KCNA2: variants seen among roughly 807,000 people sequenced by gnomAD.
The protein encoded by KCNA2 is potassium voltage-gated channel subfamily A member 2.
Under a neutral mutation model 33.4 loss-of-function variants are expected in KCNA2, and 11 were observed. That is an observed-to-expected ratio of 0.33 (90% CI 0.21 to 0.55). The LOEUF (loss-of-function observed/expected upper bound fraction) is 0.55, where lower values mean the gene tolerates loss of function less well. Ranked by LOEUF, KCNA2 falls within the 20% of genes least tolerant of loss-of-function variation. The pLI is 0.93. For missense variants in KCNA2, 291 were observed against 621.6 expected, an observed-to-expected ratio of 0.47 and a Z score of 5.66; for synonymous variants, 222 against 231.3, an observed-to-expected ratio of 0.96 and a Z score of 0.37.
rs1054573864 is a variant in KCNA2, at chr1:110,594,075, C to T, written c.*9208G>A. On this transcript the variant is annotated 3_prime_UTR_variant, in exon 3 of 3. Coordinates refer to ENST00000316361, the MANE Select transcript of KCNA2 (RefSeq NM_004974.4). ...CAGTTCCCTTTCGGCATCATCCTTA[C>T]GAAGCTTTACCATCAGCCTTGGAGT... 61 of 1,444,326 alleles carry T rather than the reference C, an allele frequency of 4.2e-5. No homozygotes were observed. Among genetic ancestry groups the T allele is most frequent in the Admixed American group, 5.4e-5 (2 of 37,014 alleles). The allele number at this position is 1,444,326 out of a possible 1,614,324, so 89.5% of individuals were successfully genotyped here.
At chr1:110,618,885 C>CCCCAGATGCT (rs1488405764) in intron 1 of KCNA2, among the ~76,000 whole-genome samples, 1 of 152,200 alleles carries the variant, frequency 6.6e-6, no homozygotes, top group African/African-American at 2.4e-5. Context: ...GCAAACCTGG[C>CCCCAGATGCT]CCCAGATGCT....
In KCNA2 at chr1:110,603,718, C is replaced by A. The variant is rs1308544471; in HGVS notation, c.1065G>T (p.Glu355Asp). The A allele has an allele frequency of 3.7e-6, 6 of 1,614,026 alleles. No individual in the cohort carries two copies. The South Asian group carries it at 6.6e-5, about 18-fold the overall frequency. Residue 355 changes from glutamate to aspartate, a missense_variant, in exon 3 of 3, where the codon GAG becomes GAT. This residue lies in a region of KCNA2 where 11 missense variants were observed against 16.2 expected (regional missense o/e 0.68). Coordinates refer to ENST00000316361, the MANE Select transcript of KCNA2 (RefSeq NM_004974.4). This position sits in a 1 kb window ranked among gnomAD's most constrained non-coding sequence, Gnocchi z 5.7. ...AVYFAEADER[E>D]SQFPSIPDAF... ...CATCTGGGATGCTGGGGAACTGGGA[C>A]TCTCGCTCATCGGCCTCTGCAAAAT...
At position 110,601,027 on chromosome 1, in the gene KCNA2, A is replaced by C. The variant is rs558816723; in HGVS notation, c.*2256T>G. On this transcript the variant is annotated 3_prime_UTR_variant, in exon 3 of 3. Transcript: ENST00000316361. Reference sequence around the variant, plus strand: ...AAAGGCAAAGACGCCCAGTCTGGTGAGTTAAAAGCCCCCTACCTGAAGCCA... The same window carrying C: ...AAAGGCAAAGACGCCCAGTCTGGTGCGTTAAAAGCCCCCTACCTGAAGCCA... 4.1e-6 allele frequency: 4 copies of C among 985,392 alleles called. No individual in the cohort carries two copies. The highest frequency in any genetic ancestry group is 6.1e-5 in the Admixed American group (1 of 16,268). 61.0% of individuals were successfully genotyped at this position (985,392 alleles called of 1,614,324 possible).
rs1023428121 is a variant in KCNA2, at chr1:110,595,678, G to A, written c.*7605C>T. The stretch of plus-strand genomic sequence containing the variant: ...AGCTGTTTCTTGAGTGATGTGTACA[G>A]CTTACCCCCAAAGAGGCAACTGAAT... On this transcript the variant is annotated 3_prime_UTR_variant, in exon 3 of 3. Coordinates refer to ENST00000316361, the MANE Select transcript of KCNA2 (RefSeq NM_004974.4). The A allele has an allele frequency of 1.0e-6, 1 of 985,416 alleles. No homozygotes were observed. Among genetic ancestry groups the A allele is most frequent in the Non-Finnish European group, 1.2e-6 (1 of 829,936 alleles). The allele number at this position is 985,416 out of a possible 1,614,324, so 61.0% of individuals were successfully genotyped here.
chr1:110,614,005 G>C (rs1362166351), intron 1 of KCNA2, among the ~76,000 whole-genome samples: 1 of 152,218 alleles, frequency 6.6e-6, no homozygotes, highest in African/African-American at 2.4e-5. Flanking sequence ...ACTTTGGACA[G>C]AGCTAACTTT....
Position 110,601,770 on chromosome 1 carries a change from G to C in KCNA2, c.*1513C>G. The C allele has an allele frequency of 8.4e-7, 1 of 1,186,054 alleles. No individual in the cohort carries two copies. The highest frequency in any genetic ancestry group is 1.0e-6 in the Non-Finnish European group (1 of 965,944). 73.5% of individuals were successfully genotyped at this position (1,186,054 alleles called of 1,614,324 possible). On this transcript the variant is annotated 3_prime_UTR_variant, in exon 3 of 3. Coordinates refer to ENST00000316361, the MANE Select transcript of KCNA2 (RefSeq NM_004974.4). ...GATTTGCTCCTGAACCTGAACTCCA[G>C]AAAATGAATATATATATATATATAT... is the stretch of plus-strand genomic sequence containing the variant.
rs918631450 is a variant in KCNA2, at chr1:110,601,483, T to C, written c.*1800A>G. The C allele has an allele frequency of 5.1e-6, 5 of 985,506 alleles. 1 individual carries two copies. The African/African-American group carries it at 5.2e-5, about 10-fold the overall frequency. 61.0% of individuals were successfully genotyped at this position (985,506 alleles called of 1,614,324 possible). A position where few individuals can be genotyped will look rare whatever the true frequency, so the allele number is the denominator to read the frequency against. On this transcript the variant is annotated 3_prime_UTR_variant, in exon 3 of 3. Transcript: ENST00000316361. ...TGGAGATGATGAACAGGATGAACTG[T>C]AGAGAGGAGGCCCGGGGTGGGTCTG...
intron 1 of KCNA2, among the ~76,000 whole-genome samples, chr1:110,630,287 C>T (rs1650518285): frequency 6.6e-6 from 1 of 152,124 alleles, no homozygotes; most frequent in Non-Finnish European, 1.5e-5. Context: ...TCCCAAAGTG[C>T]TGGGATTACA....
chr1:110,594,279 C>CT lies in KCNA2; in HGVS notation c.*9003dup, dbSNP rs1172516208. 1 of 896,598 alleles carries CT rather than the reference C, an allele frequency of 1.1e-6. No homozygotes were observed. The highest frequency in any genetic ancestry group is 2.0e-5 in the African/African-American group (1 of 51,074). 55.5% of individuals were successfully genotyped at this position (896,598 alleles called of 1,614,324 possible). On this transcript the variant is annotated 3_prime_UTR_variant, in exon 3 of 3. Coordinates refer to ENST00000316361, the MANE Select transcript of KCNA2 (RefSeq NM_004974.4). Reference sequence around the variant, plus strand: ...CCTAAGTGAGTGGCGGCCATTTCCTCTCTCTCTCTCTCTCTATATATATAT... The same window carrying CT: ...CCTAAGTGAGTGGCGGCCATTTCCTCTTCTCTCTCTCTCTCTATATATATAT...
Position 110,601,920 on chromosome 1 carries a change from A to C in KCNA2, c.*1363T>G, listed in dbSNP as rs943668394. The stretch of plus-strand genomic sequence containing the variant: ...AATTGCCCTTTGTCAAAAATATTGC[A>C]TAAGCTTGTACAATGTTCAAATGCA... On this transcript the variant is annotated 3_prime_UTR_variant, in exon 3 of 3. Transcript: ENST00000316361. 6.8e-7 allele frequency: 1 copy of C among 1,469,976 alleles called. No individual in the cohort carries two copies. The highest frequency in any genetic ancestry group is 2.3e-5 in the Admixed American group (1 of 42,774). 91.1% of individuals were successfully genotyped at this position (1,469,976 alleles called of 1,614,324 possible).
intron 1 of KCNA2, among the ~76,000 whole-genome samples, chr1:110,625,270 G>A (rs1205107520): frequency 6.6e-6 from 1 of 152,180 alleles, no homozygotes; most frequent in Non-Finnish European, 1.5e-5. Flanking sequence ...GAAGAGTGTG[G>A]TGGTCCCAGC....
In KCNA2 at chr1:110,598,590, C is replaced by T. The variant is rs923449718; in HGVS notation, c.*4693G>A. 3.0e-6 allele frequency: 3 copies of T among 985,474 alleles called. No homozygotes were observed. The highest frequency in any genetic ancestry group is 3.6e-6 in the Non-Finnish European group (3 of 830,006). The allele number at this position is 985,474 out of a possible 1,614,324, so 61.0% of individuals were successfully genotyped here. On this transcript the variant is annotated 3_prime_UTR_variant, in exon 3 of 3. Transcript: ENST00000316361. ...TCCCAACACGGAGCAGCAACATGAA[C>T]ACCCAGGCTGGGGTCTCAGGCCATC... is the stretch of plus-strand genomic sequence containing the variant.
chr1:110,613,892 G>C (rs375046622), intron 1 of KCNA2, among the ~76,000 whole-genome samples: 1 of 152,144 alleles, frequency 6.6e-6, no homozygotes, highest in Admixed American at 6.5e-5. Flanking sequence ...GCTGGACCTC[G>C]TCCTGTCCAC....
At position 110,602,381 on chromosome 1, in the gene KCNA2, T is replaced by C; in HGVS notation, c.*902A>G. Reference sequence around the variant, plus strand: ...TAGGTTATCTCCTGTGTTTTAAATATTGAGATTCATGCAACAAACACCCAT... The same window carrying C: ...TAGGTTATCTCCTGTGTTTTAAATACTGAGATTCATGCAACAAACACCCAT... On this transcript the variant is annotated 3_prime_UTR_variant, in exon 3 of 3. Coordinates refer to ENST00000316361, the MANE Select transcript of KCNA2 (RefSeq NM_004974.4). 2 of 1,400,944 alleles carry C rather than the reference T, an allele frequency of 1.4e-6. No individual in the cohort carries two copies. Among genetic ancestry groups the C allele is most frequent in the Non-Finnish European group, 1.8e-6 (2 of 1,082,114 alleles). The allele number at this position is 1,400,944 out of a possible 1,614,324, so 86.8% of individuals were successfully genotyped here.
Position 110,603,199 on chromosome 1 carries a change from G to A in KCNA2, c.*84C>T. ...TTCCATGCAGAACCAGATACACACT[G>A]TAGAACACACTGACTACAATGCAGG... On this transcript the variant is annotated 3_prime_UTR_variant, in exon 3 of 3. Transcript: ENST00000316361. The surrounding 1 kb of genome is among the most constrained non-coding windows in gnomAD (Gnocchi z 5.7). 1 of 1,527,298 alleles carries A rather than the reference G, an allele frequency of 6.5e-7. No homozygotes were observed. Among genetic ancestry groups the A allele is most frequent in the Non-Finnish European group, 8.8e-7 (1 of 1,141,130 alleles). 94.6% of individuals were successfully genotyped at this position (1,527,298 alleles called of 1,614,324 possible). A position where few individuals can be genotyped will look rare whatever the true frequency, so the allele number is the denominator to read the frequency against.
At position 110,604,471 on chromosome 1, in the gene KCNA2, C is replaced by T; in HGVS notation, c.312G>A (p.Val104=). The T allele has an allele frequency of 6.2e-7, 1 of 1,614,190 alleles. No individual in the cohort carries two copies. Among genetic ancestry groups the T allele is most frequent in the Non-Finnish European group, 8.5e-7 (1 of 1,180,030 alleles). ...TTTCTTCAGAGAATATATCTAAGGG[C>T]ACATTCACAGGTCGCCTCAATCGGC... is the stretch of plus-strand genomic sequence containing the variant. ...SGGRLRRPVN[V]PLDIFSEEIR... Residue 104 remains valine, a synonymous_variant, in exon 3 of 3, where the codon GTG becomes GTA. Transcript: ENST00000316361. The surrounding 1 kb of genome is among the most constrained non-coding windows in gnomAD (Gnocchi z 7.6).
chr1:110,609,061 A>T (rs1032430), upstream of KCNA2, among the ~76,000 whole-genome samples: 2 of 151,612 alleles, frequency 1.3e-5, no homozygotes, highest in African/African-American at 4.9e-5. Flanking sequence ...AGATCTCACC[A>T]TTCCCACCCC....
In KCNA2 at chr1:110,595,294, A is replaced by G; in HGVS notation, c.*7989T>C. 1 of 985,440 alleles carries G rather than the reference A, an allele frequency of 1.0e-6. No homozygotes were observed. The highest frequency in any genetic ancestry group is 1.2e-6 in the Non-Finnish European group (1 of 829,926). The allele number at this position is 985,440 out of a possible 1,614,324, so 61.0% of individuals were successfully genotyped here. On this transcript the variant is annotated 3_prime_UTR_variant, in exon 3 of 3. Coordinates refer to ENST00000316361, the MANE Select transcript of KCNA2 (RefSeq NM_004974.4). Reference sequence around the variant, plus strand: ...GACTATTTTAGGAGTGCAGAGGAGCACAGAAAGTTATATCCATTTCCATGC... The same window carrying G: ...GACTATTTTAGGAGTGCAGAGGAGCGCAGAAAGTTATATCCATTTCCATGC...
rs1327057721 is a variant in KCNA2, at chr1:110,600,649, G to A, written c.*2634C>T. On this transcript the variant is annotated 3_prime_UTR_variant, in exon 3 of 3. Coordinates refer to ENST00000316361, the MANE Select transcript of KCNA2 (RefSeq NM_004974.4). ...TAGAGTCCTGGGCCAAGGACACTGTGATAAGATATCTATCCCTGACCTAGG... is the reference window on the plus strand; with the variant it reads ...TAGAGTCCTGGGCCAAGGACACTGTAATAAGATATCTATCCCTGACCTAGG... 1.0e-6 allele frequency: 1 copy of A among 985,262 alleles called. No homozygotes were observed. Among genetic ancestry groups the A allele is most frequent in the Admixed American group, 6.1e-5 (1 of 16,268 alleles). The allele number at this position is 985,262 out of a possible 1,614,324, so 61.0% of individuals were successfully genotyped here.
Sources: gnomAD v4.1 joint callset for allele counts (sites outside exome capture counted in the v4.1 genomes callset) on GRCh38, gnomAD v4.1.1 for gene constraint, gnomAD v4.1.1 regional missense constraint, Gnocchi (gnomAD v3.1) non-coding constraint, MANE v1.5 for transcripts, NCBI Gene and HGNC (gene_info 2026-07-23, HGNC 2026-07-21) for gene names.